Variants in FAM227B observed in about 807,000 individuals in gnomAD.
The protein encoded by FAM227B is family with sequence similarity 227 member B, also known as protein FAM227B.
In FAM227B, 88 loss-of-function variants were observed where a neutral mutation model predicts 73.8. The ratio of observed to expected loss-of-function variants is 1.19; its 90% CI spans 1.00 to 1.42. The LOEUF is 1.42. FAM227B is among the 40% of genes most tolerant of loss of function. The pLI is 0.00. For synonymous variants in FAM227B, 210 were observed against 190.5 expected, an observed-to-expected ratio of 1.10 and a Z score of -0.84; for missense variants, 632 against 590.9, an observed-to-expected ratio of 1.07 and a Z score of -0.72.
At chr15:49,412,772 T>C (rs1052070709) in intron 11 of FAM227B, among the ~76,000 whole-genome samples, 1 of 152,116 alleles carries the variant, frequency 6.6e-6, no homozygotes, top group East Asian at 1.9e-4. Flanking sequence ...TAGTCAATAC[T>C]GCACAAGAAA....
rs57097153 is a variant in FAM227B, at chr15:49,543,997, T to G, written c.748-2191A>C. Among the ~76,000 whole-genome samples the G allele has an allele frequency of 2.6e-4, 40 of 152,276 alleles. 2 individuals carry two copies. In the East Asian group the frequency reaches 7.5e-3, roughly 29 times the overall value. On this transcript the variant is annotated intron_variant, in intron 9 of 15. Transcript: ENST00000299338. Reference sequence around the variant, plus strand: ...GCTTTGTGGGATTTTTGGTTCCATATGAATTTTAGAATTTTTTCTAGTTCT... The same window carrying G: ...GCTTTGTGGGATTTTTGGTTCCATAGGAATTTTAGAATTTTTTCTAGTTCT...
chr15:49,613,027 G>C lies in FAM227B; in HGVS notation c.52-1759C>G, dbSNP rs181507123. Among the ~76,000 whole-genome samples, 630 of 152,094 alleles carry C rather than the reference G, an allele frequency of 4.1e-3. 3 individuals carry two copies. The highest frequency in any genetic ancestry group is 0.014 in the African/African-American group (594 of 41,492). On this transcript the variant is annotated intron_variant, in intron 2 of 15. Coordinates refer to ENST00000299338, the MANE Select transcript of FAM227B (RefSeq NM_152647.3). ...CGAGAAGGGTAGTGGGAAGTGAGGG[G>C]AAAGTGGGTATAGTCAATGGGTACA...
intron 10 of FAM227B, 53 bp from the exon 11 acceptor site, chr15:49,508,401 C>G (rs190091860): frequency 2.8e-6 from 4 of 1,433,652 alleles, no homozygotes; most frequent in African/African-American, 1.5e-5. Context: ...TTGAAAATAC[C>G]TTTTAATTTG....
rs547391904 is a variant in FAM227B, at chr15:49,550,099, C to T, written c.748-8293G>A. On this transcript the variant is annotated intron_variant, in intron 9 of 15. Coordinates refer to ENST00000299338, the MANE Select transcript of FAM227B (RefSeq NM_152647.3). ...TCCCTCCTGGACGGGGGCGGCTGGC[C>T]GGGCAGGGGGCTGACCCCCCCACCT... 1.2e-4 allele frequency among the ~76,000 whole-genome samples: 16 copies of T among 133,222 alleles called. 1 individual carries two copies. The South Asian group carries it at 3.2e-3, about 27-fold the overall frequency. 87.4% of individuals were successfully genotyped at this position (133,222 alleles called of 152,430 possible).
intron 11 of FAM227B, chr15:49,483,378 A>G: frequency 3.4e-6 from 2 of 596,140 alleles, no homozygotes; most frequent in Non-Finnish European, 5.9e-6. Flanking sequence ...GATTTTATTA[A>G]AACACTTTAT....
intron 3 of FAM227B, among the ~76,000 whole-genome samples, chr15:49,603,840 T>A (rs1447042245): frequency 6.6e-6 from 1 of 152,128 alleles, no homozygotes; most frequent in African/African-American, 2.4e-5. Context: ...CTATATCCAG[T>A]TTTTTGAGGA....
chr15:49,340,771 G>A (rs1318034418), intron 13 of FAM227B, among the ~76,000 whole-genome samples: 1 of 152,078 alleles, frequency 6.6e-6, no homozygotes, highest in Non-Finnish European at 1.5e-5. Context: ...AGTTTAATTA[G>A]GTCCCACTTG....
intron 13 of FAM227B, among the ~76,000 whole-genome samples, chr15:49,361,531 GT>G (rs1201541267): frequency 6.6e-6 from 1 of 151,990 alleles, no homozygotes; most frequent in African/African-American, 2.4e-5. Flanking sequence ...GTTCACTTAG[GT>G]TAATGGCCTC....
At chr15:49,364,695 G>A (rs2044821463) in intron 13 of FAM227B, among the ~76,000 whole-genome samples, 1 of 151,978 alleles carries the variant, frequency 6.6e-6, no homozygotes, top group Non-Finnish European at 1.5e-5. Flanking sequence ...CTGCCTTCTT[G>A]CATGGTCTTA....
chr15:49,403,529 G>A (rs1222269768), intron 11 of FAM227B, among the ~76,000 whole-genome samples: 1 of 152,098 alleles, frequency 6.6e-6, no homozygotes, highest in Non-Finnish European at 1.5e-5. Flanking sequence ...ATTCCTTCTA[G>A]ATTTTCTAGT....
At position 49,576,829 on chromosome 15, in the gene FAM227B, C is replaced by T; in HGVS notation, c.458G>A (p.Gly153Glu). ...CTGAGTAAGTTCATTTGCTTTGAAT[C>T]CTGTGAAGCTGCAACCCTAGAAAGA... Reference protein sequence around the residue: ...EKNIEGCSFTGFKANELTQLP... With the variant: ...EKNIEGCSFTEFKANELTQLP... Residue 153 changes from glycine (G) to glutamate (E), a missense_variant, in exon 7 of 16, where the codon GGA (glycine) becomes GAA (glutamate). Physicochemically the swap from Gly to Glu is moderately conservative, Grantham distance 98 (BLOSUM62 -2). Transcript: ENST00000299338. 6.2e-7 allele frequency: 1 copy of T among 1,610,564 alleles called. No individual in the cohort carries two copies. Among genetic ancestry groups the T allele is most frequent in the Non-Finnish European group, 8.5e-7 (1 of 1,177,596 alleles).
chr15:49,493,187 C>T (rs1164195248), intron 11 of FAM227B, among the ~76,000 whole-genome samples: 2 of 152,006 alleles, frequency 1.3e-5, no homozygotes, highest in East Asian at 3.9e-4. Flanking sequence ...GTTCCAAGTC[C>T]TCGTCTCAAT....
chr15:49,458,730 T>G (rs1166345515), intron 11 of FAM227B, among the ~76,000 whole-genome samples: 1 of 152,168 alleles, frequency 6.6e-6, no homozygotes, highest in Non-Finnish European at 1.5e-5. Flanking sequence ...TAGGATTAGT[T>G]ACAGTTGTGG....
chr15:49,408,117 G>A (rs1419967134), intron 11 of FAM227B, among the ~76,000 whole-genome samples: 1 of 152,132 alleles, frequency 6.6e-6, no homozygotes, highest in Non-Finnish European at 1.5e-5. Flanking sequence ...TTATTTCAGG[G>A]AGGGTCTAAA....
intron 11 of FAM227B, among the ~76,000 whole-genome samples, chr15:49,412,337 T>C (rs1158914340): frequency 6.6e-6 from 1 of 152,096 alleles, no homozygotes; most frequent in Non-Finnish European, 1.5e-5. Context: ...AGGGTGGTGT[T>C]ATAATCTGAT....
chr15:49,525,932 A>G (rs2060170080), intron 10 of FAM227B, among the ~76,000 whole-genome samples: 1 of 151,826 alleles, frequency 6.6e-6, no homozygotes, highest in African/African-American at 2.4e-5. Flanking sequence ...TAGAAAAGAG[A>G]TGGACAGCAA....
intron 10 of FAM227B, among the ~76,000 whole-genome samples, chr15:49,520,480 A>G (rs898038856): frequency 1.3e-5 from 2 of 152,162 alleles, no homozygotes; most frequent in African/African-American, 4.8e-5. Context: ...TTAGTCTGTT[A>G]TCATACTGCT....
intron 11 of FAM227B, among the ~76,000 whole-genome samples, chr15:49,388,786 C>G (rs890392062): frequency 6.6e-6 from 1 of 151,448 alleles, no homozygotes; most frequent in Non-Finnish European, 1.5e-5. Flanking sequence ...AACAAATTAC[C>G]AAGAAAAAAT....
At chr15:49,500,767 G>A (rs1361592431) in intron 11 of FAM227B, among the ~76,000 whole-genome samples, 1 of 152,150 alleles carries the variant, frequency 6.6e-6, no homozygotes. Flanking sequence ...TTGGATGTGG[G>A]GCCTGGTGGG....
Sources: gnomAD v4.1 joint callset for allele counts (sites outside exome capture counted in the v4.1 genomes callset) on GRCh38, gnomAD v4.1.1 for gene constraint, MANE v1.5 for transcripts, NCBI Gene and HGNC (gene_info 2026-07-23, HGNC 2026-07-21) for gene names.